KCNA6: variants seen among roughly 807,000 people sequenced by gnomAD.
KCNA6 encodes human brain potassium channel-2.
In KCNA6, 17 loss-of-function variants were observed where a neutral mutation model predicts 29.5. The observed-to-expected ratio is 0.58, with a 90% CI of 0.39 to 0.86. KCNA6 has a LOEUF of 0.86. KCNA6 is among the 40% of genes least tolerant of loss of function. The pLI is 0.00. For synonymous variants in KCNA6, 296 were observed against 304.7 expected, an observed-to-expected ratio of 0.97 and a Z score of 0.30; for missense variants, 450 against 703.4, an observed-to-expected ratio of 0.64 and a Z score of 4.07.
chr12:4,834,621 G>C, the KCNA6 span, among the ~76,000 whole-genome samples: 414 of 152,172 alleles, frequency 2.7e-3, 4 homozygotes, highest in African/African-American at 9.7e-3. Flanking sequence ...ATCACCAGTG[G>C]GTTCTGACAG....
chr12:4,815,823 T>C (rs1330874159), downstream of KCNA6, among the ~76,000 whole-genome samples: 1 of 152,170 alleles, frequency 6.6e-6, no homozygotes, highest in Non-Finnish European at 1.5e-5. Flanking sequence ...GCAAGGAGAA[T>C]TGATGGTCTC....
At chr12:4,841,592 A>G in the KCNA6 span, among the ~76,000 whole-genome samples, 1 of 152,196 alleles carries the variant, frequency 6.6e-6, no homozygotes, top group Admixed American at 6.5e-5. Flanking sequence ...GAAATATACC[A>G]TCGATGATTA....
At chr12:4,821,418 ATG>A in the KCNA6 span, among the ~76,000 whole-genome samples, 7,595 of 143,310 alleles carry the variant, frequency 0.053, 288 homozygotes, top group Admixed American at 0.14. Context: ...ACTCACTTGG[ATG>A]TGTGTGTGTG....
downstream of KCNA6, among the ~76,000 whole-genome samples, chr12:4,818,312 A>G (rs1388988013): frequency 1.3e-5 from 2 of 152,236 alleles, no homozygotes; most frequent in Non-Finnish European, 2.9e-5. Context: ...ACATCGTGCG[A>G]TTTAACAAAG....
the KCNA6 span, among the ~76,000 whole-genome samples, chr12:4,823,017 T>C: frequency 2.6e-5 from 4 of 152,236 alleles, no homozygotes; most frequent in African/African-American, 9.6e-5. Flanking sequence ...GTTTTCCTTT[T>C]TTTAAGCTTT....
exon 1 of KCNA6, chr12:4,812,675 A>C (rs1175617453): frequency 6.0e-6 from 1 of 167,138 alleles, no homozygotes; most frequent in African/African-American, 2.4e-5. Flanking sequence ...TTCCTCAGGC[A>C]AACTCCAGCT....
chr12:4,844,410 G>T, the KCNA6 span, among the ~76,000 whole-genome samples: 9 of 152,200 alleles, frequency 5.9e-5, no homozygotes, highest in African/African-American at 2.2e-4. This position sits in a 1 kb window ranked among gnomAD's most constrained non-coding sequence, Gnocchi z 4.0. Flanking sequence ...AAATGACGTA[G>T]TGGGAGAAGG....
rs753688455 is a variant in KCNA6 at position 4,811,661 on chromosome 12, G to T, written c.*30G>T. On this transcript the variant is annotated 3_prime_UTR_variant, in exon 1 of 1. Transcript: ENST00000280684. The surrounding 1 kb of genome is among the most constrained non-coding windows in gnomAD (Gnocchi z 7.1). ...TGCAGGCAGGGCCTGCAGGAGGGGA[G>T]CACTGAGCTAACAGTCTCTTAGGCT... The T allele has an allele frequency of 2.5e-6, 4 of 1,592,410 alleles. No homozygotes were observed. Among genetic ancestry groups the T allele is most frequent in the South Asian group, 1.1e-5 (1 of 87,810 alleles).
At chr12:4,839,787 A>G in the KCNA6 span, among the ~76,000 whole-genome samples, 27 of 152,326 alleles carry the variant, frequency 1.8e-4, no homozygotes, top group South Asian at 5.6e-3. Flanking sequence ...TGTGCCTTAT[A>G]TTAACATTGT....
rs775032999 is a variant in KCNA6 at position 4,810,189 on chromosome 12, C to T, written c.148C>T (p.Leu50=). ...GCGGCTGGTGATCAATATCTCCGGG[C>T]TGCGCTTTGAGACACAATTGCGCAC... is the stretch of plus-strand genomic sequence containing the variant. Residue 50 remains leucine, a synonymous_variant, in exon 1 of 1, where the codon CTG becomes TTG. Coordinates refer to ENST00000280684, the Ensembl canonical transcript of KCNA6. The surrounding 1 kb of genome is among the most constrained non-coding windows in gnomAD (Gnocchi z 7.5). 9.3e-6 allele frequency: 15 copies of T among 1,612,862 alleles called. No individual in the cohort carries two copies. Among genetic ancestry groups the T allele is most frequent in the African/African-American group, 2.7e-5 (2 of 74,916 alleles).
the KCNA6 span, among the ~76,000 whole-genome samples, chr12:4,835,108 C>T: frequency 7.4e-6 from 1 of 134,244 alleles, no homozygotes; most frequent in Non-Finnish European, 1.6e-5. Context: ...ACTGAGTACT[C>T]CCATTTTTCT....
the KCNA6 span, among the ~76,000 whole-genome samples, chr12:4,846,784 T>A: frequency 4.1e-5 from 3 of 72,624 alleles, no homozygotes; most frequent in African/African-American, 2.0e-4. Context: ...TTTTTTTTTT[T>A]TTTTTTTAAT....
At chr12:4,840,999 T>C in the KCNA6 span, among the ~76,000 whole-genome samples, 1 of 152,154 alleles carries the variant, frequency 6.6e-6, no homozygotes, top group African/African-American at 2.4e-5. Context: ...TTAAAGAATA[T>C]TTGGTTGATC....
downstream of KCNA6, chr12:4,814,432 C>T (rs1946662299): frequency 6.0e-6 from 1 of 167,062 alleles, no homozygotes; most frequent in South Asian, 2.1e-4. The surrounding 1 kb of genome is among the most constrained non-coding windows in gnomAD (Gnocchi z 4.6). Flanking sequence ...TGGGAACGGC[C>T]TATCTAGCTC....
exon 1 of KCNA6, chr12:4,809,990 G>A: frequency 6.7e-7 from 1 of 1,496,966 alleles, no homozygotes; most frequent in Non-Finnish European, 8.8e-7. Context: ...GCGCTCCAGA[G>A]ATTGTGTCGT....
At chr12:4,847,687 T>C in the KCNA6 span, among the ~76,000 whole-genome samples, 1 of 152,208 alleles carries the variant, frequency 6.6e-6, no homozygotes, top group Non-Finnish European at 1.5e-5. Flanking sequence ...AATTTTCTGT[T>C]TTCTCTGAGT....
the KCNA6 span, among the ~76,000 whole-genome samples, chr12:4,837,078 A>G: frequency 1.3e-5 from 2 of 152,094 alleles, no homozygotes; most frequent in Non-Finnish European, 2.9e-5. Flanking sequence ...CCTGCCCCCC[A>G]CAAGGGGTGA....
chr12:4,835,348 A>G, the KCNA6 span, among the ~76,000 whole-genome samples: 1 of 151,956 alleles, frequency 6.6e-6, no homozygotes, highest in Non-Finnish European at 1.5e-5. Context: ...GTTAGCCAGG[A>G]TGGTCTCGAT....
At chr12:4,835,187 T>G in the KCNA6 span, among the ~76,000 whole-genome samples, 10 of 148,876 alleles carry the variant, frequency 6.7e-5, no homozygotes, top group African/African-American at 2.0e-4. Context: ...CAGGCTGGAG[T>G]GCAGTGGCGC....
Sources: allele counts gnomAD v4.1 joint callset (sites outside exome capture counted in the v4.1 genomes callset), GRCh38; gene constraint gnomAD v4.1.1; non-coding constraint Gnocchi (gnomAD v3.1); transcripts MANE v1.5; gene names NCBI Gene and HGNC (gene_info 2026-07-23, HGNC 2026-07-21).